CHST11: variants seen among roughly 807,000 people sequenced by gnomAD.
CHST11 encodes carbohydrate sulfotransferase 11.
CHST11 carries 9 observed loss-of-function variants against 30.4 expected under a neutral mutation model. The ratio of observed to expected loss-of-function variants is 0.30; its 90% CI spans 0.18 to 0.52. The LOEUF is 0.52. Among genes scored for constraint, CHST11 ranks in the 20% least tolerant of loss-of-function variants. The pLI is 0.97. For synonymous variants in CHST11, 152 were observed against 187.8 expected, an observed-to-expected ratio of 0.81 and a Z score of 1.56; for missense variants, 348 against 460.6, an observed-to-expected ratio of 0.76 and a Z score of 2.24.
At chr12:104,587,868 C>A (rs2038820735) in intron 1 of CHST11, among the ~76,000 whole-genome samples, 1 of 137,988 alleles carries the variant, frequency 7.2e-6, no homozygotes, top group Non-Finnish European at 1.5e-5. Context: ...GAGATGGAGT[C>A]TCACTCTGTC....
chr12:104,743,888 C>T (rs570661298), intron 2 of CHST11, among the ~76,000 whole-genome samples: 12 of 152,290 alleles, frequency 7.9e-5, no homozygotes, highest in Admixed American at 6.5e-4. Flanking sequence ...CATTCGTTTG[C>T]TAAGGATTAT....
intron 1 of CHST11, chr12:104,553,220 T>C (rs995606571): frequency 1.3e-5 from 2 of 152,296 alleles, no homozygotes; most frequent in African/African-American, 2.4e-5. Flanking sequence ...ATGAAGAGGA[T>C]GATGAAGATG....
chr12:104,652,511 G>A (rs1366787083), intron 2 of CHST11, among the ~76,000 whole-genome samples: 18 of 152,334 alleles, frequency 1.2e-4, no homozygotes, highest in Admixed American at 1.1e-3. Flanking sequence ...GATCACTGAT[G>A]TGTATTTTGC....
chr12:104,595,578 G>A (rs2038900384), intron 1 of CHST11, among the ~76,000 whole-genome samples: 1 of 152,202 alleles, frequency 6.6e-6, no homozygotes, highest in Non-Finnish European at 1.5e-5. Context: ...TTCACCTGAC[G>A]AAGGAGAAAA....
At chr12:104,750,455 T>TTTTTTTTTTTTTTTTTTTTTG (rs1566064739) in intron 2 of CHST11, among the ~76,000 whole-genome samples, 1 of 117,468 alleles carries the variant, frequency 8.5e-6, no homozygotes, top group Non-Finnish European at 1.8e-5. Flanking sequence ...TTTTTTTTTT[T>TTTTTTTTTTTTTTTTTTTTTG]TGTTGAGACT....
intron 1 of CHST11, among the ~76,000 whole-genome samples, chr12:104,504,783 T>C (rs749191021): frequency 6.6e-6 from 1 of 151,938 alleles, no homozygotes; most frequent in Non-Finnish European, 1.5e-5. Flanking sequence ...CTGAGCAACA[T>C]AGTGAGACAC....
At chr12:104,718,850 A>C (rs984987779) in intron 2 of CHST11, among the ~76,000 whole-genome samples, 1 of 152,192 alleles carries the variant, frequency 6.6e-6, no homozygotes, top group African/African-American at 2.4e-5. Flanking sequence ...CACAGTCCTC[A>C]TTACTGCCCA....
chr12:104,731,383 A>G (rs78925709), intron 2 of CHST11, among the ~76,000 whole-genome samples: 4,768 of 152,336 alleles, frequency 0.031, 277 homozygotes, highest in African/African-American at 0.11. Context: ...CAGCCTGTGC[A>G]GCGAGGTGGC....
chr12:104,694,404 G>C, intron 2 of CHST11, among the ~76,000 whole-genome samples: 1 of 152,166 alleles, frequency 6.6e-6, no homozygotes, highest in East Asian at 1.9e-4. Flanking sequence ...CACTTATCCT[G>C]CACTGGGCGC....
chr12:104,664,934 G>A (rs974046438), intron 2 of CHST11, among the ~76,000 whole-genome samples: 8 of 152,170 alleles, frequency 5.3e-5, no homozygotes, highest in Admixed American at 1.3e-4. Flanking sequence ...ACCTCAACCC[G>A]GAGGCAAACC....
At chr12:104,664,002 C>T (rs2039620276) in intron 2 of CHST11, among the ~76,000 whole-genome samples, 1 of 152,180 alleles carries the variant, frequency 6.6e-6, no homozygotes, top group African/African-American at 2.4e-5. Context: ...TCCAGAACTT[C>T]CATCTGCCCT....
Position 104,598,760 on chromosome 12 carries a change from C to T in CHST11, c.119-3146C>T, listed in dbSNP as rs567466217. Among the ~76,000 whole-genome samples, 12 of 152,318 alleles carry T rather than the reference C, an allele frequency of 7.9e-5. No homozygotes were observed. In the South Asian group the frequency reaches 2.5e-3, roughly 32 times the overall value. ...TCATCCTTCCACAGATCACTGGGCC[C>T]CTCCTGAGTCGTCTGGCTCCTTCTT... is the stretch of plus-strand genomic sequence containing the variant. On this transcript the variant is annotated intron_variant, in intron 1 of 2. Coordinates refer to ENST00000303694, the MANE Select transcript of CHST11 (RefSeq NM_018413.6).
intron 1 of CHST11, among the ~76,000 whole-genome samples, chr12:104,556,756 G>A (rs537956492): frequency 2.6e-4 from 40 of 152,110 alleles, no homozygotes; most frequent in Non-Finnish European, 4.1e-4. Flanking sequence ...CAAGGTGGGC[G>A]GATCACCTGA....
chr12:104,645,919 TG>T (rs946821923), intron 2 of CHST11, among the ~76,000 whole-genome samples: 2 of 152,234 alleles, frequency 1.3e-5, no homozygotes, highest in African/African-American at 4.8e-5. Flanking sequence ...CTGCCTGTCA[TG>T]ATCAAGCTCG....
chr12:104,533,120 A>G (rs1278268646), intron 1 of CHST11, among the ~76,000 whole-genome samples: 2 of 152,036 alleles, frequency 1.3e-5, no homozygotes, highest in African/African-American at 2.4e-5. Flanking sequence ...TCAAACCCCT[A>G]TACCCTCAAC....
chr12:104,608,061 C>G (rs1473565106), intron 2 of CHST11, among the ~76,000 whole-genome samples: 2 of 152,116 alleles, frequency 1.3e-5, no homozygotes, highest in African/African-American at 4.8e-5. Context: ...GGCCTCACTG[C>G]TGGCGATTCT....
intron 1 of CHST11, among the ~76,000 whole-genome samples, chr12:104,543,084 T>C: frequency 6.6e-6 from 1 of 152,160 alleles, no homozygotes; most frequent in East Asian, 1.9e-4. Context: ...TCTGCTGAGC[T>C]TCAGGTGAGG....
At chr12:104,592,469 G>T (rs181242796) in intron 1 of CHST11, among the ~76,000 whole-genome samples, 1 of 151,994 alleles carries the variant, frequency 6.6e-6, no homozygotes, top group African/African-American at 2.4e-5. Flanking sequence ...TTTTTGGGAC[G>T]TCTTTTATAA....
intron 1 of CHST11, among the ~76,000 whole-genome samples, chr12:104,594,158 A>C (rs2038885988): frequency 6.6e-6 from 1 of 152,082 alleles, no homozygotes. Context: ...GAGAGGGGCA[A>C]ACCTGGCAGG....
Sources: gnomAD v4.1 joint callset for allele counts (sites outside exome capture counted in the v4.1 genomes callset) on GRCh38, gnomAD v4.1.1 for gene constraint, MANE v1.5 for transcripts, NCBI Gene and HGNC (gene_info 2026-07-23, HGNC 2026-07-21) for gene names.